The following DZIP3 variants were observed in gnomAD, a reference collection of about 807,000 sequenced individuals.
The protein encoded by DZIP3 is E3 ubiquitin-protein ligase DZIP3.
Under a neutral mutation model 162.0 loss-of-function variants are expected in DZIP3, and 118 were observed. That is an observed-to-expected ratio of 0.73 (90% CI 0.63 to 0.85). The LOEUF is 0.85. DZIP3 is among the 40% of genes least tolerant of loss of function. DZIP3 has a pLI of 0.00. For synonymous variants in DZIP3, 438 were observed against 458.6 expected (o/e 0.96, Z 0.57); for missense variants, 1,331 against 1,407.0 (o/e 0.95, Z 0.86).
At chr3:108,598,093 T>G (rs1458970043) in intron 1 of DZIP3, among the ~76,000 whole-genome samples, 1 of 152,214 alleles carries the variant, frequency 6.6e-6, no homozygotes, top group African/African-American at 2.4e-5. Context: ...TAATAACTTT[T>G]ATAGTATTAC....
Position 108,669,677 on chromosome 3 carries a change from T to G in DZIP3, c.2424-4T>G. 6.2e-7 allele frequency: 1 copy of G among 1,610,464 alleles called. No homozygotes were observed. The highest frequency in any genetic ancestry group is 8.5e-7 in the Non-Finnish European group (1 of 1,177,954). ...TCTTTTGACTTTCTTGCTTGTTTGC[T>G]TAGATTACAGCGTCAAATCCATGCT... On this transcript the variant is annotated splice_region_variant and splice_polypyrimidine_tract_variant and intron_variant, in intron 21 of 32. Transcript: ENST00000361582.
chr3:108,644,059 T>A, intron 13 of DZIP3, 105 bp from the exon 14 acceptor site: 3 of 1,363,242 alleles, frequency 2.2e-6, no homozygotes, highest in Non-Finnish European at 3.0e-6. Flanking sequence ...CTTCATTCTT[T>A]TGGAATAGTT....
Position 108,654,287 on chromosome 3 carries a change from C to T in DZIP3, c.2176C>T (p.His726Tyr). Reference sequence around the variant, plus strand: ...CAAGTTCTATAGCCTGGATGAATTGCATATTCTGGACATGATAGAGCAGGT... The same window carrying T: ...CAAGTTCTATAGCCTGGATGAATTGTATATTCTGGACATGATAGAGCAGGT... ...EDKFYSLDEL[H>Y]ILDMIEQGSA... Residue 726 changes from histidine (H) to tyrosine (Y), a missense_variant, in exon 19 of 33, where the codon CAT (histidine) becomes TAT (tyrosine). Coordinates refer to ENST00000361582, the MANE Select transcript of DZIP3 (RefSeq NM_014648.4). 6.2e-7 allele frequency: 1 copy of T among 1,613,662 alleles called. No homozygotes were observed. The highest frequency in any genetic ancestry group is 8.5e-7 in the Non-Finnish European group (1 of 1,179,674).
chr3:108,679,389 C>T (rs1377378933), intron 26 of DZIP3, among the ~76,000 whole-genome samples: 3 of 151,894 alleles, frequency 2.0e-5, no homozygotes, highest in African/African-American at 7.2e-5. Flanking sequence ...CATGTCTTAC[C>T]CGGGTTTAGT....
intron 19 of DZIP3, among the ~76,000 whole-genome samples, chr3:108,657,760 A>G (rs1943203768): frequency 6.6e-6 from 1 of 152,204 alleles, no homozygotes; most frequent in African/African-American, 2.4e-5. Context: ...ACGTGCAGAG[A>G]CACACATAGG....
chr3:108,692,734 A>C (rs999055234), intron 32 of DZIP3, among the ~76,000 whole-genome samples: 20 of 152,096 alleles, frequency 1.3e-4, no homozygotes, highest in Non-Finnish European at 2.5e-4. Context: ...ATGGGTCCAG[A>C]TAGTTTACTT....
chr3:108,682,191 A>G (rs1944341553), intron 26 of DZIP3, among the ~76,000 whole-genome samples: 1 of 151,074 alleles, frequency 6.6e-6, no homozygotes, highest in Non-Finnish European at 1.5e-5. Context: ...AAATTAGCGC[A>G]GCTATTATGG....
chr3:108,589,523 C>A, upstream of DZIP3: 1 of 543,688 alleles, frequency 1.8e-6, no homozygotes, highest in Non-Finnish European at 3.3e-6. Context: ...CCCTAGGCAC[C>A]CTAGGGGACC....
chr3:108,616,099 C>T (rs1056286780), intron 4 of DZIP3, among the ~76,000 whole-genome samples: 1 of 152,046 alleles, frequency 6.6e-6, no homozygotes, highest in Non-Finnish European at 1.5e-5. Flanking sequence ...CCCATCTCTA[C>T]TAAAAATACA....
At chr3:108,624,618 G>A in intron 6 of DZIP3, 94 bp downstream of exon 6, 1 of 619,852 alleles carries the variant, frequency 1.6e-6, no homozygotes. Context: ...TATTAAAAAA[G>A]GAAACTTAAT....
chr3:108,636,623 G>T lies in DZIP3; in HGVS notation c.926G>T (p.Ser309Ile). Residue 309 changes from serine to isoleucine, a missense_variant, in exon 11 of 33, where the codon AGT (serine) becomes ATT (isoleucine). By Grantham distance (142) the Ser-to-Ile change is moderately radical. Around this residue, in one of 2 missense-constraint regions of DZIP3, gnomAD observed 1,278 missense variants for 1,317.1 expected, o/e 0.97. Transcript: ENST00000361582. ...TTCTATTAATAAATTTAGAGTTTTA[G>T]TGGGAAAAAATGTTTGAAGGAAGGA... ...KYPGENDQSFSGKKCLKEGCT... is the reference protein window; with the variant it reads ...KYPGENDQSFIGKKCLKEGCT... 1 of 1,551,398 alleles carries T rather than the reference G, an allele frequency of 6.4e-7. No individual in the cohort carries two copies. Among genetic ancestry groups the T allele is most frequent in the Non-Finnish European group, 8.7e-7 (1 of 1,155,994 alleles).
chr3:108,593,908 G>T (rs1041704028), intron 1 of DZIP3, among the ~76,000 whole-genome samples: 2 of 151,860 alleles, frequency 1.3e-5, no homozygotes, highest in Non-Finnish European at 2.9e-5. Flanking sequence ...CGAGTGATCC[G>T]CTCGCCTCAG....
chr3:108,649,155 A>G (rs1411279614), intron 17 of DZIP3, among the ~76,000 whole-genome samples, 193 bp downstream of exon 17: 1 of 151,934 alleles, frequency 6.6e-6, no homozygotes, highest in African/African-American at 2.4e-5. Flanking sequence ...ATACAATTTC[A>G]TACTTCACGT....
chr3:108,686,464 C>G lies in DZIP3; in HGVS notation c.3029C>G (p.Ala1010Gly). The change falls in exon 28 of 33, where the codon GCT becomes GGT. Residue 1010 changes from alanine (A) to glycine (G), a missense_variant. Ala to Gly is a moderately conservative substitution (Grantham distance 60, BLOSUM62 0). Transcript: ENST00000361582. ...RAPLMTGIAWALPAPVGDAVP... is the reference protein window; with the variant it reads ...RAPLMTGIAWGLPAPVGDAVP... Reference sequence around the variant, plus strand: ...TTACAGATGACTGGCATAGCCTGGGCTCTGCCAGCGCCTGTGGGAGACGCT... The same window carrying G: ...TTACAGATGACTGGCATAGCCTGGGGTCTGCCAGCGCCTGTGGGAGACGCT... The G allele has an allele frequency of 6.3e-7, 1 of 1,599,668 alleles. No individual in the cohort carries two copies. The highest frequency in any genetic ancestry group is 1.3e-5 in the African/African-American group (1 of 74,194).
intron 5 of DZIP3, among the ~76,000 whole-genome samples, chr3:108,622,813 T>C (rs1409973735): frequency 6.9e-6 from 1 of 145,680 alleles, no homozygotes; most frequent in Admixed American, 7.1e-5. Context: ...TGTTCTCTTC[T>C]TCCTTTACCC....
chr3:108,638,174 C>T (rs1157490555), intron 12 of DZIP3, among the ~76,000 whole-genome samples: 1 of 152,112 alleles, frequency 6.6e-6, no homozygotes, highest in Non-Finnish European at 1.5e-5. Context: ...AAAGCTTGAC[C>T]TTATATACCT....
chr3:108,643,591 T>C (rs1449183528), intron 13 of DZIP3, among the ~76,000 whole-genome samples: 2 of 150,822 alleles, frequency 1.3e-5, no homozygotes, highest in East Asian at 1.9e-4. Flanking sequence ...TTTCTTGATA[T>C]AGATCTGAGC....
chr3:108,644,491 A>G lies in DZIP3; in HGVS notation c.1469A>G (p.Glu490Gly), dbSNP rs768166412. ...GCACCCAAAAAAGGATGGAATATGGAACCGCCATCTTCTGACATCTCTAAA... is the reference window on the plus strand; with the variant it reads ...GCACCCAAAAAAGGATGGAATATGGGACCGCCATCTTCTGACATCTCTAAA... ...FPAPKKGWNMEPPSSDISKSA... is the reference protein window; with the variant it reads ...FPAPKKGWNMGPPSSDISKSA... The change falls in exon 14 of 33, where the codon GAA becomes GGA. Residue 490 changes from glutamate to glycine, a missense_variant. Glu to Gly is a moderately conservative substitution (Grantham distance 98). This residue lies in a region of DZIP3 where 1,278 missense variants were observed against 1,317.1 expected (regional missense o/e 0.97). Transcript: ENST00000361582. The G allele has an allele frequency of 6.2e-7, 1 of 1,613,988 alleles. No individual in the cohort carries two copies. The highest frequency in any genetic ancestry group is 8.5e-7 in the Non-Finnish European group (1 of 1,179,980).
intron 26 of DZIP3, 29 bp from the exon 27 acceptor site, chr3:108,684,187 T>TG: frequency 6.3e-7 from 1 of 1,579,928 alleles, no homozygotes; most frequent in Non-Finnish European, 8.6e-7. Flanking sequence ...GGGGGTGTTG[T>TG]TTATTATTGT....
Sources: gnomAD v4.1 joint callset for allele counts (sites outside exome capture counted in the v4.1 genomes callset) on GRCh38, gnomAD v4.1.1 for gene constraint, gnomAD v4.1.1 regional missense constraint, MANE v1.5 for transcripts, NCBI Gene and HGNC (gene_info 2026-07-23, HGNC 2026-07-21) for gene names.